Variants in PLCXD3 observed in about 807,000 individuals in gnomAD.
PLCXD3 encodes phosphatidylinositol specific phospholipase C X domain containing 3, also known as PI-PLC X domain-containing protein 3.
In PLCXD3, 19 loss-of-function variants were observed where a neutral mutation model predicts 25.5. The observed-to-expected ratio is 0.75, with a 90% CI of 0.52 to 1.09. PLCXD3 has a LOEUF of 1.09. Among genes scored for constraint, PLCXD3 ranks in the 50% least tolerant of loss-of-function variants. The pLI is 0.00. For missense variants in PLCXD3, 411 were observed against 388.1 expected (o/e 1.06, Z -0.50); for synonymous variants, 174 against 137.6 (o/e 1.26, Z -1.85).
At chr5:41,325,223 T>G (rs1743592197) in intron 2 of PLCXD3, among the ~76,000 whole-genome samples, 2 of 152,208 alleles carry the variant, frequency 1.3e-5, no homozygotes, top group Non-Finnish European at 2.9e-5. Flanking sequence ...ATATCATTCC[T>G]CTGAGTCATG....
intron 1 of PLCXD3, among the ~76,000 whole-genome samples, chr5:41,422,160 G>T (rs368320574): frequency 8.5e-5 from 13 of 152,230 alleles, no homozygotes; most frequent in African/African-American, 2.4e-4. Flanking sequence ...CCATATTTCT[G>T]AATTATTACT....
At chr5:41,487,142 C>T (rs1748537953) in intron 1 of PLCXD3, among the ~76,000 whole-genome samples, 1 of 152,084 alleles carries the variant, frequency 6.6e-6, no homozygotes, top group Non-Finnish European at 1.5e-5. Flanking sequence ...AATGTGATTG[C>T]ACTTGTAGTG....
intron 1 of PLCXD3, among the ~76,000 whole-genome samples, chr5:41,433,798 C>T (rs1044138899): frequency 6.6e-6 from 1 of 152,186 alleles, no homozygotes; most frequent in Non-Finnish European, 1.5e-5. Flanking sequence ...TCAAGTAATC[C>T]ATTAAAACCT....
Position 41,413,150 on chromosome 5 carries a change from A to T in PLCXD3, c.104-30616T>A, listed in dbSNP as rs185790439. ...ACCAGTTCACAGAAGATTGCAAATAATTTTTTTTTAAATTGCCTACTTACA... is the reference window on the plus strand; with the variant it reads ...ACCAGTTCACAGAAGATTGCAAATATTTTTTTTTTAAATTGCCTACTTACA... On this transcript the variant is annotated intron_variant, in intron 1 of 2. Transcript: ENST00000377801. Among the ~76,000 whole-genome samples, 21 of 151,982 alleles carry T rather than the reference A, an allele frequency of 1.4e-4. 1 individual carries two copies. In the South Asian group the frequency reaches 4.2e-3, roughly 30 times the overall value.
chr5:41,326,613 C>A (rs1743634698), intron 2 of PLCXD3, among the ~76,000 whole-genome samples: 1 of 152,006 alleles, frequency 6.6e-6, no homozygotes, highest in African/African-American at 2.4e-5. Flanking sequence ...TGTCTTCTTC[C>A]AATACCCTTC....
intron 1 of PLCXD3, among the ~76,000 whole-genome samples, chr5:41,387,439 T>C (rs890657141): frequency 2.0e-5 from 3 of 152,158 alleles, no homozygotes; most frequent in African/African-American, 7.2e-5. Context: ...AGAAAACTAA[T>C]ACATTTGGAC....
intron 2 of PLCXD3, among the ~76,000 whole-genome samples, chr5:41,332,057 G>C (rs866540854): frequency 1.8e-4 from 27 of 152,044 alleles, no homozygotes; most frequent in Non-Finnish European, 2.6e-4. Flanking sequence ...TCTAAAACAC[G>C]AAAAGCAATG....
At chr5:41,458,305 CA>C (rs2150516237) in intron 1 of PLCXD3, among the ~76,000 whole-genome samples, 1 of 151,712 alleles carries the variant, frequency 6.6e-6, no homozygotes, top group Non-Finnish European at 1.5e-5. Flanking sequence ...CTGAACAGCC[CA>C]AGAATCTCTA....
At chr5:41,465,840 C>T (rs1206833165) in intron 1 of PLCXD3, among the ~76,000 whole-genome samples, 3 of 152,044 alleles carry the variant, frequency 2.0e-5, no homozygotes, top group Non-Finnish European at 4.4e-5. Flanking sequence ...TTCTTACTAA[C>T]CTCAAAAGAC....
intron 2 of PLCXD3, among the ~76,000 whole-genome samples, chr5:41,332,006 A>G (rs167724): frequency 2.0e-5 from 3 of 152,130 alleles, no homozygotes; most frequent in African/African-American, 4.8e-5. Context: ...GAAAACCTAG[A>G]CATTACCATT....
chr5:41,436,355 C>T (rs1747255197), intron 1 of PLCXD3, among the ~76,000 whole-genome samples: 1 of 152,020 alleles, frequency 6.6e-6, no homozygotes, highest in Non-Finnish European at 1.5e-5. Context: ...CCTGGATTCA[C>T]CTCTTACTAG....
At chr5:41,390,649 A>T (rs191459450) in intron 1 of PLCXD3, among the ~76,000 whole-genome samples, 218 of 152,296 alleles carry the variant, frequency 1.4e-3, no homozygotes, top group African/African-American at 5.1e-3. Context: ...CAAGAGCAAG[A>T]GGGTGGAATA....
At position 41,477,624 on chromosome 5, in the gene PLCXD3, T is replaced by C. The variant is rs990454769; in HGVS notation, c.103+32800A>G. On this transcript the variant is annotated intron_variant, in intron 1 of 2. Transcript: ENST00000377801. The stretch of plus-strand genomic sequence containing the variant: ...TCTAATCTCCAGCCCCCTTACACCA[T>C]AGTCACTTCCAAACTCTGGATTTCT... Among the ~76,000 whole-genome samples the C allele has an allele frequency of 5.9e-5, 9 of 152,008 alleles. No homozygotes were observed. The South Asian group carries it at 1.7e-3, about 28-fold the overall frequency.
chr5:41,489,412 G>A (rs1279635564), intron 1 of PLCXD3, among the ~76,000 whole-genome samples: 2 of 151,962 alleles, frequency 1.3e-5, no homozygotes, highest in African/African-American at 4.8e-5. Flanking sequence ...TGGCGATGCG[G>A]GCTCTTTTTT....
intron 2 of PLCXD3, among the ~76,000 whole-genome samples, chr5:41,375,173 A>AGAGAG (rs56307344): frequency 6.6e-6 from 1 of 150,932 alleles, no homozygotes; most frequent in South Asian, 2.1e-4. Context: ...GAGAGAGAGA[A>AGAGAG]AGAGAAAGAG....
chr5:41,345,531 G>T (rs1744273216), intron 2 of PLCXD3, among the ~76,000 whole-genome samples: 3 of 152,142 alleles, frequency 2.0e-5, no homozygotes, highest in African/African-American at 4.8e-5. Flanking sequence ...ATATTCATAA[G>T]ATAACATTGT....
chr5:41,492,698 T>C (rs1219048059), intron 1 of PLCXD3, among the ~76,000 whole-genome samples: 1 of 152,254 alleles, frequency 6.6e-6, no homozygotes, highest in Non-Finnish European at 1.5e-5. Context: ...CCGTCACTGA[T>C]ACCCTTTCTT....
chr5:41,475,864 T>C (rs1285893060), intron 1 of PLCXD3, among the ~76,000 whole-genome samples: 1 of 152,172 alleles, frequency 6.6e-6, no homozygotes, highest in Non-Finnish European at 1.5e-5. Flanking sequence ...AGAAACTGTT[T>C]TAAAGGAAGG....
At chr5:41,366,224 A>G (rs1406265183) in intron 2 of PLCXD3, among the ~76,000 whole-genome samples, 2 of 152,186 alleles carry the variant, frequency 1.3e-5, no homozygotes, top group Non-Finnish European at 2.9e-5. Flanking sequence ...ATAGCTATAC[A>G]AAAGCCCCCC....
Sources: gnomAD v4.1 joint callset for allele counts (sites outside exome capture counted in the v4.1 genomes callset) on GRCh38, gnomAD v4.1.1 for gene constraint, MANE v1.5 for transcripts, NCBI Gene and HGNC (gene_info 2026-07-23, HGNC 2026-07-21) for gene names.